The following DPP6 variants were observed in gnomAD, a reference collection of about 807,000 sequenced individuals.
The protein encoded by DPP6 is dipeptidyl peptidase like 6.
DPP6 carries 69 observed loss-of-function variants against 122.6 expected under a neutral mutation model. The observed-to-expected ratio is 0.56, with a 90% CI of 0.46 to 0.69. The LOEUF (loss-of-function observed/expected upper bound fraction) is 0.69. Ranked by LOEUF, DPP6 falls within the 30% of genes least tolerant of loss-of-function variation. DPP6 has a pLI of 0.00. For missense variants in DPP6, 928 were observed against 1,116.9 expected, an observed-to-expected ratio of 0.83 and a Z score of 2.41; for synonymous variants, 418 against 433.1, an observed-to-expected ratio of 0.97 and a Z score of 0.43.
chr7:154,756,885 A>G (rs1232872797), intron 8 of DPP6, among the ~76,000 whole-genome samples: 1 of 152,050 alleles, frequency 6.6e-6, no homozygotes, highest in African/African-American at 2.4e-5. Context: ...CCCCCGAGGA[A>G]CAGGCCAGCC....
intron 1 of DPP6, among the ~76,000 whole-genome samples, chr7:154,165,001 TA>T (rs201861255): frequency 0.12 from 18,753 of 152,006 alleles, 3,811 homozygotes; most frequent in African/African-American, 0.42. Flanking sequence ...TACTTTTTTT[TA>T]AAGTTTTTTT....
chr7:154,076,571 A>G (rs986605165), intron 1 of DPP6, among the ~76,000 whole-genome samples: 40 of 151,054 alleles, frequency 2.6e-4, no homozygotes, highest in Middle Eastern at 6.8e-3. Context: ...TTAAGTAATA[A>G]TAGATTAGTT....
intron 5 of DPP6, among the ~76,000 whole-genome samples, chr7:154,584,145 A>T (rs1157844346): frequency 6.6e-6 from 1 of 152,118 alleles, no homozygotes; most frequent in African/African-American, 2.4e-5. Flanking sequence ...CTTCAGGGTG[A>T]CCTTTCTCAG....
At chr7:154,566,792 G>GA (rs1250937759) in intron 4 of DPP6, 50 bp from the exon 5 acceptor site, 1 of 1,066,238 alleles carries the variant, frequency 9.4e-7, no homozygotes, top group African/African-American at 1.6e-5. Context: ...ATAAGATTCT[G>GA]ACTTGTTGTA....
Position 154,662,945 on chromosome 7 carries a change from G to A in DPP6, c.681-6415G>A, listed in dbSNP as rs1380928246. Reference sequence around the variant, plus strand: ...TATAGTCATGGTGAATCACCATGGCGTATCGGCCGTAGTGTTCATATAGTC... The same window carrying A: ...TATAGTCATGGTGAATCACCATGGCATATCGGCCGTAGTGTTCATATAGTC... On this transcript the variant is annotated intron_variant, in intron 6 of 25. Transcript: ENST00000377770. Among the ~76,000 whole-genome samples the A allele has an allele frequency of 2.7e-3, 177 of 65,824 alleles. 34 individuals carry two copies. The highest frequency in any genetic ancestry group is 6.1e-3 in the Non-Finnish European group (154 of 25,340). 43.2% of individuals were successfully genotyped at this position (65,824 alleles called of 152,430 possible).
chr7:154,173,911 A>C (rs2150733524), intron 1 of DPP6, among the ~76,000 whole-genome samples: 1 of 152,258 alleles, frequency 6.6e-6, no homozygotes, highest in East Asian at 1.9e-4. Context: ...TAGCTGTGAC[A>C]GTTGCTCCAT....
intron 1 of DPP6, among the ~76,000 whole-genome samples, chr7:154,122,648 A>G (rs1807567197): frequency 6.6e-6 from 1 of 152,148 alleles, no homozygotes; most frequent in Non-Finnish European, 1.5e-5. Flanking sequence ...AGCACAGATT[A>G]TAATGTCCAG....
At chr7:154,121,912 ATTATT>A (rs1267770203) in intron 1 of DPP6, among the ~76,000 whole-genome samples, 1 of 152,202 alleles carries the variant, frequency 6.6e-6, no homozygotes, top group Admixed American at 6.5e-5. Flanking sequence ...TATAATATAT[ATTATT>A]TTAGCTATCT....
chr7:153,774,007 G>T, the DPP6 span, among the ~76,000 whole-genome samples: 2 of 151,848 alleles, frequency 1.3e-5, no homozygotes, highest in South Asian at 2.1e-4. Context: ...ATATAAAAGA[G>T]AAATTAAATG....
chr7:154,405,026 AAT>A (rs1436952084), intron 1 of DPP6, among the ~76,000 whole-genome samples: 1 of 151,528 alleles, frequency 6.6e-6, no homozygotes, highest in East Asian at 2.0e-4. Flanking sequence ...TACCTACATA[AAT>A]ATGTGTGTGT....
At chr7:153,959,417 GAAGGATATGACTTCTTGAGATGATA>G (rs1795236291) in intron 1 of DPP6, among the ~76,000 whole-genome samples, 1 of 152,244 alleles carries the variant, frequency 6.6e-6, no homozygotes. Context: ...ATTCTTAGGA[GAAGGATATGACTTCTTGAGATGATA>G]AAGGAGACAT....
At chr7:154,206,540 G>A (rs192886778) in intron 1 of DPP6, among the ~76,000 whole-genome samples, 34 of 152,264 alleles carry the variant, frequency 2.2e-4, no homozygotes, top group African/African-American at 6.7e-4. Flanking sequence ...GTCCAAGCCC[G>A]TATAGCTGAG....
chr7:154,266,028 C>T (rs1803397014), intron 1 of DPP6, among the ~76,000 whole-genome samples: 1 of 152,088 alleles, frequency 6.6e-6, no homozygotes, highest in African/African-American at 2.4e-5. Flanking sequence ...TAGACTCATC[C>T]CCCTCCCATT....
intron 1 of DPP6, among the ~76,000 whole-genome samples, chr7:154,007,555 G>C (rs966844787): frequency 1.3e-5 from 2 of 152,158 alleles, no homozygotes; most frequent in Non-Finnish European, 2.9e-5. Context: ...AAATTGGACA[G>C]ATATTCCTGT....
rs1223529297 is a variant in DPP6, at chr7:154,602,481, G to A, written c.628-35340G>A. Among the ~76,000 whole-genome samples, 8 of 120,774 alleles carry A rather than the reference G, an allele frequency of 6.6e-5. 1 individual carries two copies. The highest frequency in any genetic ancestry group is 3.6e-4 in the East Asian group (1 of 2,810). 79.2% of individuals were successfully genotyped at this position (120,774 alleles called of 152,430 possible). A position where few individuals can be genotyped will look rare whatever the true frequency, so the allele number is the denominator to read the frequency against. On this transcript the variant is annotated intron_variant, in intron 5 of 25. Coordinates refer to ENST00000377770, the MANE Select transcript of DPP6 (RefSeq NM_130797.4). ...TGCCCAGGCTAGAGTGCAATGGCAC[G>A]ATCTTGTCTCACTGCAACCTCTGCC...
At chr7:154,756,223 G>A (rs1220316310) in intron 8 of DPP6, among the ~76,000 whole-genome samples, 2 of 152,160 alleles carry the variant, frequency 1.3e-5, no homozygotes, top group Non-Finnish European at 2.9e-5. Flanking sequence ...AGAGGCCTGG[G>A]CTCACCAGGC....
At chr7:153,821,810 A>G in the DPP6 span, among the ~76,000 whole-genome samples, 1 of 150,604 alleles carries the variant, frequency 6.6e-6, no homozygotes, top group African/African-American at 2.4e-5. Flanking sequence ...CAGATTAAAG[A>G]CCACAAGGCC....
At chr7:153,801,902 G>A in the DPP6 span, among the ~76,000 whole-genome samples, 842 of 152,084 alleles carry the variant, frequency 5.5e-3, 5 homozygotes, top group African/African-American at 0.019. Context: ...CACATATCTA[G>A]CACATCACTT....
chr7:154,524,580 A>AT (rs1563802490), intron 3 of DPP6, among the ~76,000 whole-genome samples: 1 of 152,106 alleles, frequency 6.6e-6, no homozygotes, highest in African/African-American at 2.4e-5. Flanking sequence ...TTTGTTCTTC[A>AT]TGCCTTTGAT....
Sources: gnomAD v4.1 joint callset for allele counts (sites outside exome capture counted in the v4.1 genomes callset) on GRCh38, gnomAD v4.1.1 for gene constraint, MANE v1.5 for transcripts, NCBI Gene and HGNC (gene_info 2026-07-23, HGNC 2026-07-21) for gene names.